Variants in CLSTN2 observed in about 807,000 individuals in gnomAD.
CLSTN2 encodes calsyntenin 2.
In CLSTN2, 48 loss-of-function variants were observed where a neutral mutation model predicts 101.2. The ratio of observed to expected loss-of-function variants is 0.47; its 90% CI spans 0.38 to 0.60. CLSTN2 has a LOEUF of 0.60. Ranked by LOEUF, CLSTN2 falls within the 20% of genes least tolerant of loss-of-function variation. The pLI, the probability that CLSTN2 is intolerant of heterozygous loss-of-function variation, is 0.00. For synonymous variants in CLSTN2, 481 were observed against 463.6 expected (o/e 1.04, Z -0.48); for missense variants, 1,160 against 1,238.2 (o/e 0.94, Z 0.95).
chr3:140,480,827 T>C (rs529594027), intron 8 of CLSTN2, among the ~76,000 whole-genome samples: 1 of 152,360 alleles, frequency 6.6e-6, no homozygotes, highest in South Asian at 2.1e-4. Context: ...TTGGAGTTCA[T>C]TGTAGATTGT....
chr3:140,379,110 C>T (rs956317859), intron 2 of CLSTN2, among the ~76,000 whole-genome samples: 3 of 152,182 alleles, frequency 2.0e-5, no homozygotes, highest in African/African-American at 7.2e-5. Flanking sequence ...AAGAAAGGTG[C>T]TAATTCAAAC....
intron 1 of CLSTN2, among the ~76,000 whole-genome samples, chr3:140,130,656 G>A (rs879702613): frequency 1.3e-5 from 2 of 152,206 alleles, no homozygotes; most frequent in Admixed American, 6.5e-5. Context: ...GCAGCATTGA[G>A]ATGAGTACTT....
chr3:140,401,747 T>C (rs2088244514), intron 2 of CLSTN2, among the ~76,000 whole-genome samples: 1 of 152,252 alleles, frequency 6.6e-6, no homozygotes, highest in South Asian at 2.1e-4. Context: ...TATTGTCATA[T>C]TGGCATTGAT....
At chr3:140,473,931 G>A (rs1444923995) in intron 8 of CLSTN2, among the ~76,000 whole-genome samples, 1 of 151,750 alleles carries the variant, frequency 6.6e-6, no homozygotes, top group East Asian at 1.9e-4. Flanking sequence ...CTAATTTTTT[G>A]TTTTTTGTTT....
chr3:140,306,306 T>C (rs550989386), intron 2 of CLSTN2, among the ~76,000 whole-genome samples: 1 of 152,330 alleles, frequency 6.6e-6, no homozygotes, highest in South Asian at 2.1e-4. Flanking sequence ...TTCCTTATTG[T>C]TTCCCTTAGT....
chr3:140,545,060 AAGAACTCTAAAG>A (rs1388147016), intron 9 of CLSTN2, among the ~76,000 whole-genome samples: 5 of 152,192 alleles, frequency 3.3e-5, no homozygotes, highest in African/African-American at 7.2e-5. Flanking sequence ...ATTAGTGGGT[AAGAACTCTAAAG>A]AGAACTCTAA....
At position 140,234,318 on chromosome 3, in the gene CLSTN2, C is replaced by T. The variant is rs554376293; in HGVS notation, c.232+58245C>T. 1.6e-4 allele frequency among the ~76,000 whole-genome samples: 24 copies of T among 152,280 alleles called. No homozygotes were observed. In the South Asian group the frequency reaches 1.7e-3, roughly 11 times the overall value. On this transcript the variant is annotated intron_variant, in intron 2 of 16. Coordinates refer to ENST00000458420, the MANE Select transcript of CLSTN2 (RefSeq NM_022131.3). ...GCTGCCGCAGCTGCTGCTGTCTAGACGACACTCTGAGTTCCCAGGCCATTG... is the reference window on the plus strand; with the variant it reads ...GCTGCCGCAGCTGCTGCTGTCTAGATGACACTCTGAGTTCCCAGGCCATTG...
At chr3:139,997,835 C>T (rs1435374923) in intron 1 of CLSTN2, among the ~76,000 whole-genome samples, 7 of 152,020 alleles carry the variant, frequency 4.6e-5, no homozygotes. Flanking sequence ...GGAGTTGCAT[C>T]AGATTTATAG....
chr3:140,113,832 A>T (rs2009195567), intron 1 of CLSTN2, among the ~76,000 whole-genome samples: 1 of 152,208 alleles, frequency 6.6e-6, no homozygotes, highest in African/African-American at 2.4e-5. Flanking sequence ...TAAACAATGA[A>T]GTGAATGGAG....
At chr3:140,300,261 A>C (rs2087045398) in intron 2 of CLSTN2, among the ~76,000 whole-genome samples, 1 of 152,212 alleles carries the variant, frequency 6.6e-6, no homozygotes, top group South Asian at 2.1e-4. Context: ...GCCCTCAGCA[A>C]ATAACTGTGA....
intron 2 of CLSTN2, among the ~76,000 whole-genome samples, chr3:140,300,934 C>T (rs956547963): frequency 1.3e-5 from 2 of 152,136 alleles, no homozygotes; most frequent in African/African-American, 4.8e-5. Context: ...AATTGTAATC[C>T]AAGTCCAAAG....
At chr3:140,213,684 C>A (rs1001372453) in intron 2 of CLSTN2, among the ~76,000 whole-genome samples, 1 of 152,200 alleles carries the variant, frequency 6.6e-6, no homozygotes, top group Non-Finnish European at 1.5e-5. Flanking sequence ...TTCATCTATT[C>A]TAGGTCTGAC....
At position 139,960,214 on chromosome 3, in the gene CLSTN2, A is replaced by G. The variant is rs78227921; in HGVS notation, c.109+24731A>G. On this transcript the variant is annotated intron_variant, in intron 1 of 16. Transcript: ENST00000458420. ...AGTTACCAATGCGATATCACTGAGCATGGGTTTGGAAAGTGATGCACAATT... is the reference window on the plus strand; with the variant it reads ...AGTTACCAATGCGATATCACTGAGCGTGGGTTTGGAAAGTGATGCACAATT... Among the ~76,000 whole-genome samples the G allele has an allele frequency of 5.5e-3, 838 of 152,360 alleles. 7 individuals are homozygous for G. Among genetic ancestry groups the G allele is most frequent in the African/African-American group, 0.017 (721 of 41,578 alleles).
At chr3:140,048,869 C>G (rs376680390) in intron 1 of CLSTN2, among the ~76,000 whole-genome samples, 10 of 152,220 alleles carry the variant, frequency 6.6e-5, no homozygotes, top group African/African-American at 2.4e-4. Context: ...AAATCCTGCC[C>G]ATGCCTCCAG....
chr3:139,957,933 C>G (rs1285084940), intron 1 of CLSTN2, among the ~76,000 whole-genome samples: 1 of 152,160 alleles, frequency 6.6e-6, no homozygotes, highest in Non-Finnish European at 1.5e-5. Context: ...GTGTCAAACT[C>G]ATCAAAGGCA....
chr3:140,369,193 C>G (rs979833992), intron 2 of CLSTN2, among the ~76,000 whole-genome samples: 6 of 152,024 alleles, frequency 3.9e-5, no homozygotes, highest in Non-Finnish European at 8.8e-5. Context: ...CATCTAAGAC[C>G]GATTGTTTAA....
chr3:140,387,585 C>G lies in CLSTN2; in HGVS notation c.233-16044C>G, dbSNP rs189261392. Among the ~76,000 whole-genome samples the G allele has an allele frequency of 1.8e-3, 272 of 152,268 alleles. 3 individuals are homozygous for G. Among genetic ancestry groups the G allele is most frequent in the African/African-American group, 6.4e-3 (264 of 41,554 alleles). On this transcript the variant is annotated intron_variant, in intron 2 of 16. Transcript: ENST00000458420. ...GGTCCCTGATGTTCTAACCTTAAAC[C>G]AGCAATTTCAGAGCAGGACTTCTCT...
chr3:140,088,750 C>G (rs185200277), intron 1 of CLSTN2, among the ~76,000 whole-genome samples: 25 of 152,282 alleles, frequency 1.6e-4, no homozygotes, highest in African/African-American at 6.0e-4. Context: ...TCATGCCTCT[C>G]CCCTGGGTTT....
chr3:140,262,031 C>G (rs7624845), intron 2 of CLSTN2, among the ~76,000 whole-genome samples: 3,462 of 152,270 alleles, frequency 0.023, 120 homozygotes, highest in African/African-American at 0.078. Flanking sequence ...TAGAGTTGTC[C>G]TGTCCTGCTC....
Sources: allele counts gnomAD v4.1 joint callset (sites outside exome capture counted in the v4.1 genomes callset), GRCh38; gene constraint gnomAD v4.1.1; transcripts MANE v1.5; gene names NCBI Gene and HGNC (gene_info 2026-07-23, HGNC 2026-07-21).